Variants in DDX11 observed in about 807,000 individuals in gnomAD.
The protein encoded by DDX11 is ATP-dependent DNA helicase DDX11.
DDX11 carries 72 observed loss-of-function variants against 125.2 expected under a neutral mutation model. The observed-to-expected ratio is 0.58, with a 90% CI of 0.48 to 0.70. DDX11 has a LOEUF of 0.70. DDX11 is among the 30% of genes least tolerant of loss of function. The pLI, the probability that DDX11 is intolerant of heterozygous loss-of-function variation, is 0.00. For synonymous variants in DDX11, 347 were observed against 452.6 expected (o/e 0.77, Z 2.96); for missense variants, 883 against 1,165.0 (o/e 0.76, Z 3.52).
rs986184968 is a variant in DDX11 at position 31,100,788 on chromosome 12, G to C, written c.1948+81G>C. 3 of 1,506,860 alleles carry C rather than the reference G, an allele frequency of 2.0e-6. No individual in the cohort carries two copies. The East Asian group carries it at 7.4e-5, about 37-fold the overall frequency. The allele number at this position is 1,506,860 out of a possible 1,614,324, so 93.3% of individuals were successfully genotyped here. A position where few individuals can be genotyped will look rare whatever the true frequency, so the allele number is the denominator to read the frequency against. Reference sequence around the variant, plus strand: ...TTCTGTGGGTAATACCTCATACTGCGACCAGGCACAGGGGCGGAGGAGACC... The same window carrying C: ...TTCTGTGGGTAATACCTCATACTGCCACCAGGCACAGGGGCGGAGGAGACC... On this transcript the variant is annotated intron_variant, in intron 19 of 26. Transcript: ENST00000542838.
At chr12:31,077,844 GAAAAA>G (rs368776702) in intron 1 of DDX11, 22 of 173,082 alleles carry the variant, frequency 1.3e-4, no homozygotes, top group South Asian at 4.8e-4. Flanking sequence ...ACTCTGTCTC[GAAAAA>G]AAAAAAAAAA....
rs781116568 is a variant in DDX11 at position 31,084,628 on chromosome 12, C to G, written c.439C>G (p.Leu147Val). The change falls in exon 4 of 27, where the codon CTG becomes GTG. Residue 147 changes from leucine (L) to valine (V), a missense_variant. Leu to Val is a conservative substitution (Grantham distance 32). Transcript: ENST00000542838. Reference protein sequence around the residue: ...RKQREERLQQLQHRVQLKYAA... With the variant: ...RKQREERLQQVQHRVQLKYAA... ...GCAGCGAGAAGAACGCCTGCAGCAGCTGCAGCACAGGGTGCAGCTCAAGTA... is the reference window on the plus strand; with the variant it reads ...GCAGCGAGAAGAACGCCTGCAGCAGGTGCAGCACAGGGTGCAGCTCAAGTA... The G allele has an allele frequency of 1.9e-6, 3 of 1,596,010 alleles. No homozygotes were observed. The African/African-American group carries it at 4.0e-5, about 21-fold the overall frequency.
At position 31,083,980 on chromosome 12, in the gene DDX11, C is replaced by T. The variant is rs1336437445; in HGVS notation, c.312C>T (p.Thr104=). ...CTTCCTGCGAAGGGGCTGCAGGCAC[C>T]CCGAGGCCTGCTGGAGAACCGGCCT... The part of the protein sequence containing the change: ...LSSSCEGAAG[T]PRPAGEPAWV... Residue 104 remains threonine, a synonymous_variant, in exon 3 of 27, where the codon ACC becomes ACT. Transcript: ENST00000542838. The T allele has an allele frequency of 6.2e-7, 1 of 1,613,756 alleles. No individual in the cohort carries two copies. Among genetic ancestry groups the T allele is most frequent in the Middle Eastern group, 1.6e-4 (1 of 6,078 alleles).
intron 14 of DDX11, 35 bp downstream of exon 14, chr12:31,094,857 A>C (rs752672455): frequency 4.4e-6 from 7 of 1,604,952 alleles, no homozygotes; most frequent in Non-Finnish European, 6.0e-6. Context: ...TCCACATCCA[A>C]TTTCCTTCCT....
intron 2 of DDX11, among the ~76,000 whole-genome samples, chr12:31,078,845 G>T (rs1276642111): frequency 6.6e-6 from 1 of 151,994 alleles, no homozygotes; most frequent in Non-Finnish European, 1.5e-5. Flanking sequence ...CCGCCGCCAC[G>T]CCCGGCTAAT....
At chr12:31,084,307 T>C (rs1051246145) in intron 3 of DDX11, among the ~76,000 whole-genome samples, 2 of 152,238 alleles carry the variant, frequency 1.3e-5, no homozygotes, top group Non-Finnish European at 2.9e-5. Flanking sequence ...GGAAAGGACC[T>C]GATCATTGCC....
At chr12:31,076,763 C>T (rs1159977700) in intron 1 of DDX11, 1 of 152,350 alleles carries the variant, frequency 6.6e-6, no homozygotes, top group Non-Finnish European at 1.5e-5. Flanking sequence ...ACATACCCCT[C>T]TCTCAGGATT....
In DDX11 at chr12:31,089,483, C is replaced by T. The variant is rs371731185; in HGVS notation, c.873C>T (p.Ser291=). 1.9e-6 allele frequency: 3 copies of T among 1,613,342 alleles called. No individual in the cohort carries two copies. Among genetic ancestry groups the T allele is most frequent in the Non-Finnish European group, 2.5e-6 (3 of 1,179,504 alleles). Reference sequence around the variant, plus strand: ...ACCGCTGTGTGGACATGCAGAGAAGCAGGCACGGTAGCCACTGGGACCATG... The same window carrying T: ...ACCGCTGTGTGGACATGCAGAGAAGTAGGCACGGTAGCCACTGGGACCATG... ...INDRCVDMQR[S]RHEKKKGAEE... Residue 291 remains serine, a synonymous_variant, in exon 8 of 27, where the codon AGC becomes AGT. Coordinates refer to ENST00000542838, the MANE Select transcript of DDX11 (RefSeq NM_030653.4).
In DDX11 at chr12:31,084,682, T is replaced by C; in HGVS notation, c.480+13T>C. 3 of 1,573,868 alleles carry C rather than the reference T, an allele frequency of 1.9e-6. No individual in the cohort carries two copies. The highest frequency in any genetic ancestry group is 2.6e-6 in the Non-Finnish European group (3 of 1,154,424). On this transcript the variant is annotated intron_variant, in intron 4 of 26. Transcript: ENST00000542838. ...AGCCAAGCGCCTGGTGAGCCTCATT[T>C]CTTGGGGGGCAGGATTATGTCCAGG...
chr12:31,085,114 A>G lies in DDX11; in HGVS notation c.626A>G (p.Lys209Arg), dbSNP rs1317378826. 13 of 1,565,728 alleles carry G rather than the reference A, an allele frequency of 8.3e-6. No homozygotes were observed. Among genetic ancestry groups the G allele is most frequent in the Non-Finnish European group, 1.1e-5 (13 of 1,155,012 alleles). ...LAEYESDEEK[K>R]VASRVDEDED... ...GAATACGAGAGTGATGAGGAGAAAA[A>G]GGTGGCGAGCAGGTGAGACAGAGGC... Residue 209 changes from lysine (K) to arginine (R), a missense_variant, in exon 5 of 27, where the codon AAG becomes AGG. This residue lies in a region of DDX11 where 283 missense variants were observed against 359.6 expected (regional missense o/e 0.79). Transcript: ENST00000542838.
intron 18 of DDX11, among the ~76,000 whole-genome samples, chr12:31,098,551 G>A (rs1315423606): frequency 7.7e-6 from 1 of 130,144 alleles, no homozygotes; most frequent in Non-Finnish European, 1.9e-5. Context: ...CTTCTCTCTT[G>A]TTAGGTGTGC....
intron 14 of DDX11, among the ~76,000 whole-genome samples, chr12:31,095,234 C>T (rs1215012570): frequency 6.6e-6 from 1 of 152,200 alleles, no homozygotes; most frequent in African/African-American, 2.4e-5. Flanking sequence ...CCCAGCGCTC[C>T]CCAGATGAAA....
At chr12:31,098,796 C>G (rs1225684697) in intron 18 of DDX11, among the ~76,000 whole-genome samples, 14 of 152,154 alleles carry the variant, frequency 9.2e-5, no homozygotes, top group African/African-American at 3.4e-4. Flanking sequence ...ATTATTGTTT[C>G]TGACGTTCAC....
intron 5 of DDX11, 110 bp from the exon 6 acceptor site, chr12:31,087,828 C>A (rs1475338661): frequency 1.3e-6 from 2 of 1,500,800 alleles, no homozygotes; most frequent in African/African-American, 2.8e-5. Context: ...CTTGGTGGAA[C>A]CCATTGCTGG....
At chr12:31,083,321 A>AAC (rs1942369370) in intron 2 of DDX11, among the ~76,000 whole-genome samples, 6 of 147,266 alleles carry the variant, frequency 4.1e-5, no homozygotes, top group Admixed American at 2.1e-4. Flanking sequence ...TTAAAAAAAA[A>AAC]AAAACAAAAC....
Position 31,101,018 on chromosome 12 carries a change from T to C in DDX11, c.1949-9T>C, listed in dbSNP as rs1946283635. ...CTCCAGTTTTCGGCCCCTCCCTGGC[T>C]CTTACCAGGTCACGTGATCCCTCCA... On this transcript the variant is annotated splice_polypyrimidine_tract_variant and intron_variant, in intron 19 of 26. Coordinates refer to ENST00000542838, the MANE Select transcript of DDX11 (RefSeq NM_030653.4). 6.2e-7 allele frequency: 1 copy of C among 1,611,590 alleles called. No individual in the cohort carries two copies. Among genetic ancestry groups the C allele is most frequent in the South Asian group, 1.1e-5 (1 of 91,032 alleles).
At chr12:31,099,872 A>G (rs991092829) in intron 18 of DDX11, among the ~76,000 whole-genome samples, 1 of 152,062 alleles carries the variant, frequency 6.6e-6, no homozygotes, top group Non-Finnish European at 1.5e-5. Context: ...CCGTTTTACT[A>G]GCTTATCCTT....
chr12:31,096,834 C>T (rs745323011), intron 16 of DDX11, 25 bp from the exon 17 acceptor site: 9 of 1,614,088 alleles, frequency 5.6e-6, no homozygotes, highest in Non-Finnish European at 7.6e-6. Context: ...AGAGGGAGGC[C>T]TCCTCCCCGT....
intron 11 of DDX11, 42 bp downstream of exon 11, chr12:31,092,934 G>A (rs746134708): frequency 3.3e-5 from 53 of 1,612,476 alleles, no homozygotes; most frequent in Non-Finnish European, 4.3e-5. Context: ...GTCCCTTGGT[G>A]GCCCCCTGCG....
Sources: gnomAD v4.1 joint callset for allele counts (sites outside exome capture counted in the v4.1 genomes callset) on GRCh38, gnomAD v4.1.1 for gene constraint, gnomAD v4.1.1 regional missense constraint, MANE v1.5 for transcripts, NCBI Gene and HGNC (gene_info 2026-07-23, HGNC 2026-07-21) for gene names.